The following CTNNA2 variants were observed in gnomAD, a reference collection of about 807,000 sequenced individuals.
CTNNA2 encodes catenin alpha 2, also known as catenin alpha-2.
Under a neutral mutation model 101.0 loss-of-function variants are expected in CTNNA2, and 42 were observed. That is an observed-to-expected ratio of 0.42 (90% CI 0.32 to 0.54). CTNNA2 has a LOEUF of 0.54. Ranked by LOEUF, CTNNA2 falls within the 20% of genes least tolerant of loss-of-function variation. The probability of loss-of-function intolerance (pLI) is 0.14; values close to 1 mark genes in which losing one functional copy is unlikely to be tolerated. For synonymous variants in CTNNA2, 450 were observed against 456.4 expected (o/e 0.99, Z 0.18); for missense variants, 871 against 1,223.1 (o/e 0.71, Z 4.29).
intron 3 of CTNNA2, among the ~76,000 whole-genome samples, chr2:79,821,446 C>A (rs1678000308): frequency 6.6e-6 from 1 of 152,124 alleles, no homozygotes; most frequent in Admixed American, 6.6e-5. Flanking sequence ...TGGCCTCAAG[C>A]AGTCCTATTG....
intron 2 of CTNNA2, among the ~76,000 whole-genome samples, chr2:79,718,333 A>G (rs903315722): frequency 1.3e-5 from 2 of 152,252 alleles, no homozygotes; most frequent in Non-Finnish European, 1.5e-5. Context: ...TGAGCATATG[A>G]GAGACTTATA....
At chr2:80,565,896 A>G (rs960820255) in intron 12 of CTNNA2, among the ~76,000 whole-genome samples, 2 of 152,204 alleles carry the variant, frequency 1.3e-5, no homozygotes, top group Non-Finnish European at 2.9e-5. Context: ...TCTGTTTTAT[A>G]CTGAGTAAAC....
At chr2:80,154,884 C>T (rs555644805) in intron 7 of CTNNA2, among the ~76,000 whole-genome samples, 1 of 152,212 alleles carries the variant, frequency 6.6e-6, no homozygotes, top group Non-Finnish European at 1.5e-5. Context: ...TGATTTATAA[C>T]TATAGATATT....
At chr2:80,504,528 T>G (rs754126283) in intron 9 of CTNNA2, among the ~76,000 whole-genome samples, 6 of 151,998 alleles carry the variant, frequency 3.9e-5, no homozygotes, top group Non-Finnish European at 7.4e-5. Context: ...TACACCAGAG[T>G]GCGGGAACCT....
intron 7 of CTNNA2, among the ~76,000 whole-genome samples, chr2:80,337,651 G>A (rs1400127179): frequency 6.6e-6 from 1 of 151,976 alleles, no homozygotes; most frequent in African/African-American, 2.4e-5. Flanking sequence ...ATTGTACCAA[G>A]GAGCCAAAAA....
chr2:80,287,108 A>G (rs1211092767), intron 7 of CTNNA2, among the ~76,000 whole-genome samples: 1 of 152,192 alleles, frequency 6.6e-6, no homozygotes, highest in African/African-American at 2.4e-5. Flanking sequence ...TGATGGTAAG[A>G]GGGAGGACCA....
At chr2:79,405,903 T>G (rs546407157) in intron 4 of CTNNA2, among the ~76,000 whole-genome samples, 3 of 152,028 alleles carry the variant, frequency 2.0e-5, no homozygotes, top group Non-Finnish European at 4.4e-5. Flanking sequence ...GCATTGTGGA[T>G]GGGTCATCTG....
At chr2:79,651,500 A>G in intron 1 of CTNNA2, 52 bp from the exon 2 acceptor site, 1 of 1,531,654 alleles carries the variant, frequency 6.5e-7, no homozygotes, top group Non-Finnish European at 9.0e-7. Flanking sequence ...CACCAAAGTT[A>G]CAATTTATTT....
intron 7 of CTNNA2, among the ~76,000 whole-genome samples, chr2:80,317,162 C>T (rs144047631): frequency 1.2e-4 from 18 of 152,160 alleles, no homozygotes; most frequent in African/African-American, 2.4e-4. Context: ...GTGAGTGAGA[C>T]GGGGATGAAG....
intron 16 of CTNNA2, among the ~76,000 whole-genome samples, chr2:80,606,407 CACACA>C (rs1558638191): frequency 5.8e-5 from 6 of 104,210 alleles, no homozygotes; most frequent in Admixed American, 3.0e-4. Flanking sequence ...CACACACACA[CACACA>C]CCCCCCAGGA....
chr2:80,516,064 C>A (rs1689084925), intron 9 of CTNNA2, among the ~76,000 whole-genome samples: 1 of 152,128 alleles, frequency 6.6e-6, no homozygotes, highest in Admixed American at 6.5e-5. Flanking sequence ...TCATTACGGA[C>A]AACAGTGGGA....
At chr2:79,410,614 G>A (rs966019635) in intron 4 of CTNNA2, among the ~76,000 whole-genome samples, 1 of 151,876 alleles carries the variant, frequency 6.6e-6, no homozygotes, top group East Asian at 1.9e-4. Flanking sequence ...ATTGATTTGT[G>A]TATATTGAAC....
chr2:80,067,510 CAG>C (rs1450536014), intron 7 of CTNNA2, among the ~76,000 whole-genome samples: 8 of 152,006 alleles, frequency 5.3e-5, no homozygotes, highest in African/African-American at 1.9e-4. Flanking sequence ...AGTACGTATA[CAG>C]AATTTCAAAT....
intron 13 of CTNNA2, among the ~76,000 whole-genome samples, chr2:80,577,315 T>C (rs1209578564): frequency 1.3e-5 from 2 of 151,990 alleles, no homozygotes; most frequent in African/African-American, 4.8e-5. Flanking sequence ...CTGGTGGGCA[T>C]GGATCTCATG....
chr2:80,531,855 T>G (rs568415740), intron 9 of CTNNA2, among the ~76,000 whole-genome samples: 84 of 152,326 alleles, frequency 5.5e-4, no homozygotes, highest in Non-Finnish European at 6.2e-4. Flanking sequence ...TTGACAGGTC[T>G]GAAAAAATTA....
chr2:79,358,836 TACTC>T (rs1677565203), intron 3 of CTNNA2, among the ~76,000 whole-genome samples: 2 of 152,212 alleles, frequency 1.3e-5, no homozygotes, highest in South Asian at 4.1e-4. Context: ...GCCAGGAACT[TACTC>T]AAGTTTTCCA....
At chr2:79,577,568 G>T (rs1289236064) in intron 1 of CTNNA2, among the ~76,000 whole-genome samples, 1 of 151,990 alleles carries the variant, frequency 6.6e-6, no homozygotes, top group South Asian at 2.1e-4. Flanking sequence ...TATTTTTATT[G>T]TTGGGAGAAT....
At chr2:80,225,171 A>G (rs1708806692) in intron 7 of CTNNA2, among the ~76,000 whole-genome samples, 1 of 152,186 alleles carries the variant, frequency 6.6e-6, no homozygotes, top group Non-Finnish European at 1.5e-5. Context: ...TCCCCAAGTG[A>G]CAACCATCCA....
At chr2:80,436,163 C>T (rs1024634666) in intron 9 of CTNNA2, among the ~76,000 whole-genome samples, 5 of 152,154 alleles carry the variant, frequency 3.3e-5, no homozygotes, top group African/African-American at 9.7e-5. Flanking sequence ...CGCTCCCAAC[C>T]TCTGAAGGCA....
Sources: gnomAD v4.1 joint callset for allele counts (sites outside exome capture counted in the v4.1 genomes callset) on GRCh38, gnomAD v4.1.1 for gene constraint, MANE v1.5 for transcripts, NCBI Gene and HGNC (gene_info 2026-07-23, HGNC 2026-07-21) for gene names.